Variants in NAALADL2 observed in about 807,000 individuals in gnomAD.
NAALADL2 encodes N-acetylated alpha-linked acidic dipeptidase like 2.
Under a neutral mutation model 87.2 loss-of-function variants are expected in NAALADL2, and 76 were observed. The ratio of observed to expected loss-of-function variants is 0.87; its 90% confidence interval spans 0.72 to 1.05. The LOEUF (loss-of-function observed/expected upper bound fraction) is 1.05. Among genes scored for constraint, NAALADL2 ranks in the 50% least tolerant of loss-of-function variants. NAALADL2 has a pLI of 0.00. For missense variants in NAALADL2, 1,089 were observed against 945.8 expected, an observed-to-expected ratio of 1.15 and a Z score of -1.99; for synonymous variants, 354 against 331.0, an observed-to-expected ratio of 1.07 and a Z score of -0.75.
At chr3:175,398,617 C>T (rs1013173786) in intron 5 of NAALADL2, among the ~76,000 whole-genome samples, 20 of 151,914 alleles carry the variant, frequency 1.3e-4, no homozygotes, top group African/African-American at 4.8e-4. Context: ...CTGTAAATGA[C>T]ACTTAAAGGT....
At chr3:175,555,093 C>T (rs746661150) in intron 9 of NAALADL2, among the ~76,000 whole-genome samples, 13 of 152,096 alleles carry the variant, frequency 8.5e-5, no homozygotes, top group Non-Finnish European at 4.4e-5. Context: ...TGAGCCAAGA[C>T]CCTATCTATT....
At chr3:175,222,482 A>G (rs1743530662) in intron 2 of NAALADL2, among the ~76,000 whole-genome samples, 1 of 152,130 alleles carries the variant, frequency 6.6e-6, no homozygotes, top group African/African-American at 2.4e-5. Flanking sequence ...CTACTCAGCT[A>G]TTTTTCAGAC....
intron 9 of NAALADL2, among the ~76,000 whole-genome samples, chr3:175,556,622 T>C (rs1186762292): frequency 6.6e-6 from 1 of 152,136 alleles, no homozygotes; most frequent in Non-Finnish European, 1.5e-5. Flanking sequence ...ATCATTTTGC[T>C]GAATGCCAAA....
At chr3:175,363,104 C>T (rs1372233576) in intron 5 of NAALADL2, among the ~76,000 whole-genome samples, 1 of 147,146 alleles carries the variant, frequency 6.8e-6, no homozygotes, top group Non-Finnish European at 1.5e-5. Flanking sequence ...TTGTTTCTGT[C>T]CCTGGAATGT....
chr3:175,681,147 A>C (rs1432063251), intron 11 of NAALADL2, among the ~76,000 whole-genome samples: 3 of 152,104 alleles, frequency 2.0e-5, no homozygotes, highest in Non-Finnish European at 4.4e-5. Flanking sequence ...CAGCCTTTAT[A>C]ATTCTTATCT....
At chr3:175,488,734 G>A (rs181952897) in intron 9 of NAALADL2, among the ~76,000 whole-genome samples, 1 of 152,316 alleles carries the variant, frequency 6.6e-6, no homozygotes, top group African/African-American at 2.4e-5. Flanking sequence ...CTACTGATAA[G>A]TTATTGGAAA....
intron 5 of NAALADL2, among the ~76,000 whole-genome samples, chr3:175,435,851 C>CTA (rs1553894110): frequency 6.9e-6 from 1 of 144,836 alleles, no homozygotes; most frequent in Non-Finnish European, 1.5e-5. Context: ...CTGTGTAGTA[C>CTA]TTTTTTTTTT....
intron 13 of NAALADL2, among the ~76,000 whole-genome samples, chr3:175,794,366 AC>A (rs1238107242): frequency 1.5e-5 from 2 of 136,516 alleles, no homozygotes; most frequent in African/African-American, 6.6e-5. Context: ...AAAACAAGAA[AC>A]CAATTAAATG....
chr3:174,468,765 T>C (rs1716697932), intron 1 of NAALADL2, among the ~76,000 whole-genome samples: 1 of 149,304 alleles, frequency 6.7e-6, no homozygotes. Context: ...CTATATTCTT[T>C]TTTTTTTTTT....
chr3:175,173,010 G>T (rs1322796372), intron 2 of NAALADL2, among the ~76,000 whole-genome samples: 1 of 152,110 alleles, frequency 6.6e-6, no homozygotes, highest in East Asian at 1.9e-4. Flanking sequence ...TTGCAATGAA[G>T]CCAGGTGCGG....
intron 1 of NAALADL2, among the ~76,000 whole-genome samples, chr3:175,040,944 T>C (rs1754008156): frequency 6.6e-6 from 1 of 152,170 alleles, no homozygotes; most frequent in South Asian, 2.1e-4. Flanking sequence ...ACACGGTGCT[T>C]GCATGCCACT....
At chr3:175,448,041 T>G (rs1426983099) in intron 6 of NAALADL2, among the ~76,000 whole-genome samples, 1 of 152,232 alleles carries the variant, frequency 6.6e-6, no homozygotes, top group African/African-American at 2.4e-5. Flanking sequence ...TGGGCTCTTT[T>G]TTGTGTCCAG....
chr3:175,415,282 C>CA (rs373950387), intron 5 of NAALADL2, among the ~76,000 whole-genome samples: 3 of 151,792 alleles, frequency 2.0e-5, no homozygotes, highest in African/African-American at 4.8e-5. Context: ...GGATGATGAG[C>CA]TTTTAAAAAA....
chr3:175,799,035 G>A (rs898768367), intron 13 of NAALADL2, among the ~76,000 whole-genome samples: 1 of 151,938 alleles, frequency 6.6e-6, no homozygotes, highest in Non-Finnish European at 1.5e-5. Flanking sequence ...CTCATTTAAG[G>A]AATAGTTTTT....
intron 5 of NAALADL2, among the ~76,000 whole-genome samples, chr3:175,329,771 C>T (rs75533807): frequency 0.013 from 1,911 of 152,150 alleles, 44 homozygotes; most frequent in African/African-American, 0.044. Context: ...CATTGTTAAG[C>T]GGCAAAATTT....
chr3:174,648,945 T>TTTTGC (rs1553808749), intron 2 of NAALADL2, among the ~76,000 whole-genome samples: 2 of 151,956 alleles, frequency 1.3e-5, no homozygotes, highest in Non-Finnish European at 2.9e-5. Context: ...GGAGAACCTG[T>TTTTGC]TTTGTTTTTG....
intron 1 of NAALADL2, among the ~76,000 whole-genome samples, chr3:175,088,899 G>A (rs1719558823): frequency 6.6e-6 from 1 of 152,204 alleles, no homozygotes; most frequent in Non-Finnish European, 1.5e-5. Context: ...ACACATAGTA[G>A]GGAGTGGACA....
At chr3:174,992,648 C>A (rs1161083303) in intron 1 of NAALADL2, among the ~76,000 whole-genome samples, 1 of 151,498 alleles carries the variant, frequency 6.6e-6, no homozygotes, top group African/African-American at 2.4e-5. Flanking sequence ...TTCTAATGAC[C>A]CTAAAATAAT....
At chr3:175,634,620 T>C (rs1728258936) in intron 11 of NAALADL2, among the ~76,000 whole-genome samples, 1 of 151,970 alleles carries the variant, frequency 6.6e-6, no homozygotes, top group South Asian at 2.1e-4. Flanking sequence ...GTACACGTTT[T>C]TTAAATGCTT....
Sources: allele counts gnomAD v4.1 joint callset (sites outside exome capture counted in the v4.1 genomes callset), GRCh38; gene constraint gnomAD v4.1.1; transcripts MANE v1.5; gene names NCBI Gene and HGNC (gene_info 2026-07-23, HGNC 2026-07-21).